The following DZANK1 variants were observed in gnomAD, a reference collection of about 807,000 sequenced individuals.
DZANK1 encodes double zinc ribbon and ankyrin repeat-containing protein 1.
A neutral mutation model predicts 94.5 loss-of-function variants in DZANK1; 91 were observed. The observed-to-expected ratio is 0.96, with a 90% CI of 0.81 to 1.15. The LOEUF (loss-of-function observed/expected upper bound fraction) is 1.15. DZANK1 is among the 50% of genes most tolerant of loss of function. DZANK1 has a pLI of 0.00. For synonymous variants in DZANK1, 312 were observed against 325.3 expected (o/e 0.96, Z 0.44); for missense variants, 903 against 916.4 (o/e 0.99, Z 0.19).
At chr20:18,396,413 T>C in intron 15 of DZANK1, 59 bp downstream of exon 15, 1 of 1,356,546 alleles carries the variant, frequency 7.4e-7, no homozygotes, top group Non-Finnish European at 1.0e-6. Context: ...TTTCTATAAA[T>C]TGTCTCAATT....
At chr20:18,433,836 G>C (rs920734727) in intron 8 of DZANK1, 71 bp from the exon 9 acceptor site, 31 of 1,370,528 alleles carry the variant, frequency 2.3e-5, no homozygotes, top group Admixed American at 3.6e-5. Context: ...TAGAATGTAA[G>C]GTTTGGTCTA....
At chr20:18,411,645 G>A (rs1453744534) in intron 13 of DZANK1, among the ~76,000 whole-genome samples, 1 of 152,132 alleles carries the variant, frequency 6.6e-6, no homozygotes, top group East Asian at 1.9e-4. Context: ...ACAGACAGTA[G>A]AAGGAAAGAA....
At chr20:18,423,931 TAAA>T (rs762110359) in intron 10 of DZANK1, among the ~76,000 whole-genome samples, 3 of 150,184 alleles carry the variant, frequency 2.0e-5, no homozygotes, top group Non-Finnish European at 4.4e-5. Flanking sequence ...AAGAGCAAAA[TAAA>T]AAAAATAGGA....
intron 5 of DZANK1, 46 bp downstream of exon 5, chr20:18,453,685 G>T: frequency 7.3e-7 from 1 of 1,368,474 alleles, no homozygotes; most frequent in Non-Finnish European, 1.0e-6. Context: ...AACCTCTTCG[G>T]TGGGTTCAGA....
intron 13 of DZANK1, 149 bp downstream of exon 13, chr20:18,412,497 T>C (rs2148432926): frequency 1.2e-6 from 1 of 841,942 alleles, no homozygotes; most frequent in Non-Finnish European, 1.8e-6. Context: ...CTTTTTCCAA[T>C]ACAAAGAAAA....
At chr20:18,443,428 G>T (rs1397132835) in exon 8 of DZANK1, 2 of 1,510,044 alleles carry the variant, frequency 1.3e-6, no homozygotes, top group Non-Finnish European at 1.8e-6. Flanking sequence ...AGCGAGCAAA[G>T]GGATCTGATG....
chr20:18,433,648 T>C lies in DZANK1; in HGVS notation c.861+4A>G, dbSNP rs773327659. 69 of 1,612,452 alleles carry C rather than the reference T, an allele frequency of 4.3e-5. No homozygotes were observed. Among genetic ancestry groups the C allele is most frequent in the Non-Finnish European group, 5.3e-5 (62 of 1,178,554 alleles). The stretch of plus-strand genomic sequence containing the variant: ...CATGTTTTTACAGAATCACATTTCA[T>C]TACCTTCAAGTGGAGGCTTGCCTGT... On this transcript the variant is annotated splice_donor_region_variant and intron_variant, in intron 9 of 20. Transcript: ENST00000262547.
exon 16 of DZANK1, chr20:18,394,270 G>A (rs370777848): frequency 6.2e-7 from 1 of 1,613,532 alleles, no homozygotes; most frequent in East Asian, 2.2e-5. Flanking sequence ...TGGACCTGCT[G>A]CCGCACAGCC....
At chr20:18,386,949 G>A (rs1368381526) in intron 19 of DZANK1, among the ~76,000 whole-genome samples, 2 of 152,154 alleles carry the variant, frequency 1.3e-5, no homozygotes, top group African/African-American at 4.8e-5. Flanking sequence ...CAGTGTATTA[G>A]TCCATTTTCA....
At chr20:18,427,606 G>GGTGT (rs11474236) in intron 9 of DZANK1, among the ~76,000 whole-genome samples, 3,500 of 148,750 alleles carry the variant, frequency 0.024, 47 homozygotes, top group East Asian at 0.031. Context: ...TGTAAGGTTG[G>GGTGT]GTGTGTGTGT....
intron 2 of DZANK1, among the ~76,000 whole-genome samples, chr20:18,464,932 G>A (rs768990732): frequency 3.4e-4 from 52 of 151,790 alleles, no homozygotes; most frequent in Non-Finnish European, 6.5e-4. Flanking sequence ...GCCTCGGCCT[G>A]CCAAAGTTCT....
rs147933219 is a variant in DZANK1, at chr20:18,399,377, G to A, written c.1433-751C>T. ...CCCACGTAGCTGGAAATTCAAGCAC[G>A]CACCACAACGCCTGGCTAGTGTTTG... On this transcript the variant is annotated intron_variant, in intron 13 of 20. Transcript: ENST00000262547. Among the ~76,000 whole-genome samples, 506 of 152,060 alleles carry A rather than the reference G, an allele frequency of 3.3e-3. 4 individuals are homozygous for A. The highest frequency in any genetic ancestry group is 0.012 in the African/African-American group (486 of 41,462).
chr20:18,423,367 A>G (rs911202929), intron 10 of DZANK1, among the ~76,000 whole-genome samples: 1 of 152,228 alleles, frequency 6.6e-6, no homozygotes, highest in African/African-American at 2.4e-5. Context: ...TTTTTAATGT[A>G]CAAGTCTTTC....
chr20:18,406,143 G>A (rs1242716232), intron 13 of DZANK1, among the ~76,000 whole-genome samples: 1 of 152,214 alleles, frequency 6.6e-6, no homozygotes, highest in Non-Finnish European at 1.5e-5. Context: ...GAAATTCCTA[G>A]GCAACTCCTA....
intron 2 of DZANK1, among the ~76,000 whole-genome samples, chr20:18,464,562 G>C (rs529337438): frequency 6.6e-6 from 1 of 151,804 alleles, no homozygotes; most frequent in Non-Finnish European, 1.5e-5. Flanking sequence ...TCAAGGCAGG[G>C]ATTAAGTCTC....
chr20:18,388,408 GT>G (rs1430088277), intron 19 of DZANK1, among the ~76,000 whole-genome samples: 1 of 152,202 alleles, frequency 6.6e-6, no homozygotes, highest in African/African-American at 2.4e-5. Context: ...AAGGCAATCT[GT>G]TCAATGCCCA....
intron 9 of DZANK1, chr20:18,432,899 T>C (rs1324143784): frequency 6.6e-6 from 1 of 152,200 alleles, no homozygotes; most frequent in East Asian, 1.9e-4. Context: ...TGAGCAAAGT[T>C]TTTTGGATGT....
At chr20:18,424,111 C>T (rs1457501060) in intron 10 of DZANK1, among the ~76,000 whole-genome samples, 1 of 152,064 alleles carries the variant, frequency 6.6e-6, no homozygotes, top group South Asian at 2.1e-4. Flanking sequence ...GGAATAGATC[C>T]TACATACATT....
intron 19 of DZANK1, among the ~76,000 whole-genome samples, chr20:18,388,477 A>G (rs910515830): frequency 6.6e-6 from 1 of 152,260 alleles, no homozygotes; most frequent in Non-Finnish European, 1.5e-5. Flanking sequence ...CGCTGCTTAC[A>G]CTTCAATTCA....
Sources: allele counts gnomAD v4.1 joint callset (sites outside exome capture counted in the v4.1 genomes callset), GRCh38; gene constraint gnomAD v4.1.1; transcripts MANE v1.5; gene names NCBI Gene and HGNC (gene_info 2026-07-23, HGNC 2026-07-21).